Variants in EPB41 observed in about 807,000 individuals in gnomAD.
EPB41 encodes the protein erythrocyte membrane protein band 4.1.
A neutral mutation model predicts 108.0 loss-of-function variants in EPB41; 65 were observed. The observed-to-expected ratio is 0.60, with a 90% CI of 0.49 to 0.74. The LOEUF (loss-of-function observed/expected upper bound fraction) is 0.74, where lower values mean the gene tolerates loss of function less well. EPB41 is among the 30% of genes least tolerant of loss of function. The pLI, the probability that EPB41 is intolerant of heterozygous loss-of-function variation, is 0.00. For synonymous variants in EPB41, 336 were observed against 358.9 expected, an observed-to-expected ratio of 0.94 and a Z score of 0.72; for missense variants, 875 against 1,037.0, an observed-to-expected ratio of 0.84 and a Z score of 2.15.
At chr1:28,973,445 A>G (rs1444107587) in intron 1 of EPB41, among the ~76,000 whole-genome samples, 1 of 152,096 alleles carries the variant, frequency 6.6e-6, no homozygotes, top group African/African-American at 2.4e-5. Flanking sequence ...GCTGGAGTGC[A>G]GTGGTGCAGT....
chr1:29,099,257 C>T (rs1338285524), intron 17 of EPB41, among the ~76,000 whole-genome samples: 5 of 144,994 alleles, frequency 3.4e-5, no homozygotes, highest in Non-Finnish European at 7.5e-5. Flanking sequence ...GCCGAGATTG[C>T]TCCACTGCAT....
At chr1:29,036,012 G>A (rs1033147211) in intron 10 of EPB41, 89 bp downstream of exon 10, 3 of 942,412 alleles carry the variant, frequency 3.2e-6, no homozygotes, top group Non-Finnish European at 5.0e-6. Context: ...TTCATTGTAT[G>A]ACTGGCACTC....
chr1:29,027,429 T>A (rs2150215975), intron 7 of EPB41, among the ~76,000 whole-genome samples: 1 of 151,792 alleles, frequency 6.6e-6, no homozygotes, highest in East Asian at 2.0e-4. Flanking sequence ...CCTCCCAGGT[T>A]CAAGCGATTC....
chr1:28,936,728 T>C (rs2094046262), intron 1 of EPB41, among the ~76,000 whole-genome samples: 1 of 152,242 alleles, frequency 6.6e-6, no homozygotes, highest in African/African-American at 2.4e-5. Context: ...AGTACTTCAT[T>C]CCTTTGTATG....
chr1:29,105,054 G>T (rs1025357809), intron 17 of EPB41, among the ~76,000 whole-genome samples: 5 of 151,978 alleles, frequency 3.3e-5, no homozygotes, highest in Non-Finnish European at 7.4e-5. Context: ...GGCTATACAT[G>T]TGTAACCAAG....
chr1:29,013,891 T>G (rs1397241716), intron 5 of EPB41, among the ~76,000 whole-genome samples: 2 of 149,622 alleles, frequency 1.3e-5, no homozygotes, highest in Non-Finnish European at 3.0e-5. Context: ...TGTAAGAAAT[T>G]TAAACATTGT....
intron 18 of EPB41, among the ~76,000 whole-genome samples, chr1:29,111,526 G>A (rs1175180): frequency 4.4e-4 from 67 of 151,490 alleles, no homozygotes; most frequent in African/African-American, 1.4e-3. Flanking sequence ...GGTGGCAGGC[G>A]CCTGTAGTCC....
Position 28,925,398 on chromosome 1 carries a change from A to C in EPB41, c.-8+10630A>C, listed in dbSNP as rs966128406. Reference sequence around the variant, plus strand: ...AGTGTTGGGATTATAGTCATGAGCCACCACACCCAGCCTGGAGCTTACATT... The same window carrying C: ...AGTGTTGGGATTATAGTCATGAGCCCCCACACCCAGCCTGGAGCTTACATT... On this transcript the variant is annotated intron_variant, in intron 1 of 20. Transcript: ENST00000343067. 1.4e-4 allele frequency among the ~76,000 whole-genome samples: 22 copies of C among 152,214 alleles called. No individual in the cohort carries two copies. In the South Asian group the frequency reaches 1.9e-3, roughly 13 times the overall value.
intron 1 of EPB41, among the ~76,000 whole-genome samples, chr1:28,908,196 G>A (rs1199847975): frequency 6.6e-6 from 1 of 151,826 alleles, no homozygotes; most frequent in Non-Finnish European, 1.5e-5. Flanking sequence ...GAGGTCAGGA[G>A]TTCGAAACCA....
Position 28,998,644 on chromosome 1 carries a change from A to G in EPB41, c.786+1325A>G, listed in dbSNP as rs375943614. 7.9e-5 allele frequency among the ~76,000 whole-genome samples: 12 copies of G among 152,336 alleles called. No individual in the cohort carries two copies. In the East Asian group the frequency reaches 1.9e-3, roughly 24 times the overall value. On this transcript the variant is annotated intron_variant, in intron 4 of 20. Coordinates refer to ENST00000343067, the MANE Select transcript of EPB41 (RefSeq NM_001376013.1). ...AAATTTGTTCCTTCTATGAATGACT[A>G]CTAACTCAAACAGAACTATGTTTGA...
intron 16 of EPB41, among the ~76,000 whole-genome samples, chr1:29,083,187 A>C (rs1657436776): frequency 1.3e-5 from 2 of 152,100 alleles, no homozygotes; most frequent in South Asian, 4.1e-4. Context: ...GAAAAAAAAA[A>C]GGCGAGAGAG....
chr1:29,069,385 T>G, intron 16 of EPB41: 1 of 1,229,806 alleles, frequency 8.1e-7, no homozygotes, highest in Non-Finnish European at 1.0e-6. Flanking sequence ...GAAAAAACTT[T>G]CTTTAAAAGT....
chr1:28,948,505 C>CA (rs34508731), intron 1 of EPB41, among the ~76,000 whole-genome samples: 12,639 of 90,836 alleles, frequency 0.14, 860 homozygotes, highest in Non-Finnish European at 0.19. Context: ...GACTCCGTAT[C>CA]AAAAAAAAAA....
In EPB41 at chr1:29,051,577, T is replaced by C. The variant is rs149786800; in HGVS notation, c.1637-1527T>C. 6.6e-5 allele frequency among the ~76,000 whole-genome samples: 10 copies of C among 152,302 alleles called. No individual in the cohort carries two copies. The East Asian group carries it at 1.9e-3, about 29-fold the overall frequency. ...GCAGGAAAGTCTATAATAAAAATTATTGATTTCCATGCAAATTGATTAAAA... is the reference window on the plus strand; with the variant it reads ...GCAGGAAAGTCTATAATAAAAATTACTGATTTCCATGCAAATTGATTAAAA... On this transcript the variant is annotated intron_variant, in intron 11 of 20. Transcript: ENST00000343067.
At position 28,887,360 on chromosome 1, in the gene EPB41, A is replaced by G; in HGVS notation, c.-8+150A>G. On this transcript the variant is annotated intron_variant, in intron 1 of 16. Coordinates refer to the EPB41 transcript ENST00000347529. This position sits in a 1 kb window ranked among gnomAD's most constrained non-coding sequence, Gnocchi z 4.9. ...GGGCTGAGGGGTCCAGCGGTCCCGAATTCCAGAATCCGAACTTGGGGTCCA... is the reference window on the plus strand; with the variant it reads ...GGGCTGAGGGGTCCAGCGGTCCCGAGTTCCAGAATCCGAACTTGGGGTCCA... The G allele has an allele frequency of 8.7e-7, 1 of 1,147,748 alleles. No individual in the cohort carries two copies. The highest frequency in any genetic ancestry group is 1.1e-6 in the Non-Finnish European group (1 of 921,078). The allele number at this position is 1,147,748 out of a possible 1,614,324, so 71.1% of individuals were successfully genotyped here.
chr1:29,039,095 A>G (rs1640551982), intron 10 of EPB41, among the ~76,000 whole-genome samples, 159 bp from the exon 11 acceptor site: 1 of 152,250 alleles, frequency 6.6e-6, no homozygotes, highest in African/African-American at 2.4e-5. Context: ...AATGACAAAG[A>G]ACTAAAATAA....
chr1:28,891,555 C>T (rs1047332814), intron 1 of EPB41, among the ~76,000 whole-genome samples: 10 of 152,150 alleles, frequency 6.6e-5, no homozygotes, highest in African/African-American at 2.4e-4. Flanking sequence ...AGTCCCTTCA[C>T]CTAACTGTCC....
At chr1:28,935,292 C>T (rs72649222) in intron 1 of EPB41, among the ~76,000 whole-genome samples, 347 of 151,498 alleles carry the variant, frequency 2.3e-3, no homozygotes, top group Admixed American at 4.9e-3. Flanking sequence ...AAAGTTAGCC[C>T]GGTGCTGTGG....
At chr1:28,936,033 A>T (rs2094009442) in intron 1 of EPB41, among the ~76,000 whole-genome samples, 1 of 151,984 alleles carries the variant, frequency 6.6e-6, no homozygotes, top group Admixed American at 6.6e-5. Flanking sequence ...TTTGTCTCTC[A>T]TATCCTTCTT....
Sources: allele counts gnomAD v4.1 joint callset (sites outside exome capture counted in the v4.1 genomes callset), GRCh38; gene constraint gnomAD v4.1.1; non-coding constraint Gnocchi (gnomAD v3.1); transcripts MANE v1.5; gene names NCBI Gene and HGNC (gene_info 2026-07-23, HGNC 2026-07-21).